SCN8A: variants seen among roughly 807,000 people sequenced by gnomAD.
SCN8A encodes sodium voltage-gated channel alpha subunit 8.
SCN8A carries 30 observed loss-of-function variants against 184.1 expected under a neutral mutation model. That is an observed-to-expected ratio of 0.16 (90% CI 0.12 to 0.22). The LOEUF is 0.22. Ranked by LOEUF, SCN8A falls within the 10% of genes least tolerant of loss-of-function variation. The pLI is 1.00. For synonymous variants in SCN8A, 852 were observed against 907.0 expected (o/e 0.94, Z 1.09); for missense variants, 1,057 against 2,498.9 (o/e 0.42, Z 12.30).
chr12:51,713,043 G>A (rs1941906940), intron 11 of SCN8A: 1 of 1,539,112 alleles, frequency 6.5e-7, no homozygotes, highest in Non-Finnish European at 8.9e-7. Context: ...TAATAGTGTG[G>A]TATTTCTGAA....
chr12:51,680,929 G>A (rs754936414), intron 2 of SCN8A, among the ~76,000 whole-genome samples: 4 of 151,992 alleles, frequency 2.6e-5, no homozygotes, highest in Non-Finnish European at 4.4e-5. Context: ...GCTTGAACCC[G>A]GGAGGCGGAG....
intron 11 of SCN8A, among the ~76,000 whole-genome samples, chr12:51,708,259 T>C (rs956793423): frequency 1.5e-4 from 23 of 152,232 alleles, no homozygotes; most frequent in African/African-American, 5.5e-4. Context: ...TTATTCTGGA[T>C]ATGTAGTATC....
intron 2 of SCN8A, among the ~76,000 whole-genome samples, chr12:51,668,059 T>G (rs1941066315): frequency 6.6e-6 from 1 of 151,796 alleles, no homozygotes; most frequent in Non-Finnish European, 1.5e-5. Context: ...GGTGCATGCC[T>G]ATAGTCCCAG....
In SCN8A at chr12:51,667,660, A is replaced by G. The variant is rs528738542; in HGVS notation, c.276+4567A>G. On this transcript the variant is annotated intron_variant, in intron 2 of 26. Transcript: ENST00000627620. ...AATTTGTTGAATACAAAATGGCCAT[A>G]TATACTCCTAATGACTATCTTAAGT... 2.6e-4 allele frequency among the ~76,000 whole-genome samples: 39 copies of G among 152,336 alleles called. No individual in the cohort carries two copies. The East Asian group carries it at 7.3e-3, about 29-fold the overall frequency.
chr12:51,706,294 C>A, intron 10 of SCN8A, 128 bp from the exon 11 acceptor site: 2 of 849,740 alleles, frequency 2.4e-6, no homozygotes, highest in Non-Finnish European at 3.5e-6. Flanking sequence ...CTCTAACAGT[C>A]TAGGTTTCCT....
At chr12:51,657,007 GTA>G (rs1940834279) in intron 1 of SCN8A, among the ~76,000 whole-genome samples, 1 of 152,068 alleles carries the variant, frequency 6.6e-6, no homozygotes, top group Non-Finnish European at 1.5e-5. Flanking sequence ...CCACTCCTAG[GTA>G]TAGACTCAAA....
At position 51,651,718 on chromosome 12, in the gene SCN8A, C is replaced by A. The variant is rs1432668262; in HGVS notation, c.-54-11046C>A. On this transcript the variant is annotated intron_variant, in intron 1 of 26. Coordinates refer to ENST00000627620, the MANE Select transcript of SCN8A (RefSeq NM_001330260.2). ...GATGAGATTTGGGTGGGGACACAGC[C>A]AAACCATATCAGTGGATATCTCTTC... 2.0e-5 allele frequency among the ~76,000 whole-genome samples: 3 copies of A among 152,152 alleles called. No individual in the cohort carries two copies. The East Asian group carries it at 5.8e-4, about 29-fold the overall frequency.
At chr12:51,765,332 T>C (rs1942822142) in intron 15 of SCN8A, among the ~76,000 whole-genome samples, 1 of 152,202 alleles carries the variant, frequency 6.6e-6, no homozygotes, top group South Asian at 2.1e-4. Context: ...TCACTTGTCC[T>C]GTGAGAAGTC....
chr12:51,705,500 C>A lies in SCN8A; in HGVS notation c.1218C>A (p.Ile406=). 6.2e-7 allele frequency: 1 copy of A among 1,614,046 alleles called. No individual in the cohort carries two copies. The highest frequency in any genetic ancestry group is 1.1e-5 in the South Asian group (1 of 91,080). ...GTTCTTTCTATCTGGTGAACTTGAT[C>A]TTGGCTGTGGTGGCCATGGCTTATG... ...FVGSFYLVNL[I]LAVVAMAYEE... is the part of the protein sequence containing the mutation. Residue 406 remains isoleucine (I), a synonymous_variant, in exon 10 of 27, where the codon ATC becomes ATA. Coordinates refer to ENST00000627620, the MANE Select transcript of SCN8A (RefSeq NM_001330260.2).
chr12:51,751,052 C>T (rs979381428), intron 13 of SCN8A, among the ~76,000 whole-genome samples: 1 of 152,172 alleles, frequency 6.6e-6, no homozygotes, highest in African/African-American at 2.4e-5. Context: ...AACTTGTAAG[C>T]ATTCAAGCCA....
chr12:51,671,406 G>A (rs1392249679), intron 2 of SCN8A, among the ~76,000 whole-genome samples: 4 of 152,052 alleles, frequency 2.6e-5, no homozygotes, highest in East Asian at 1.9e-4. Context: ...AGCCACATAG[G>A]GTATAGACAT....
intron 26 of SCN8A, among the ~76,000 whole-genome samples, chr12:51,795,161 T>C (rs185541283): frequency 5.9e-4 from 90 of 152,296 alleles, no homozygotes; most frequent in Admixed American, 2.4e-3. Context: ...TTGATTCTTA[T>C]TACATCCCAG....
intron 19 of SCN8A, among the ~76,000 whole-genome samples, chr12:51,771,333 A>ACTTCAC: frequency 6.6e-6 from 1 of 152,290 alleles, no homozygotes; most frequent in Admixed American, 6.5e-5. Flanking sequence ...GACAGTACAC[A>ACTTCAC]CTTTCCTTAA....
intron 12 of SCN8A, among the ~76,000 whole-genome samples, chr12:51,743,619 G>T (rs922124470): frequency 3.3e-5 from 5 of 152,200 alleles, no homozygotes; most frequent in Admixed American, 6.5e-5. Flanking sequence ...TGCTGGGTCA[G>T]ACTTGAAGCC....
At chr12:51,723,545 C>T (rs1450563971) in intron 12 of SCN8A, among the ~76,000 whole-genome samples, 4 of 152,052 alleles carry the variant, frequency 2.6e-5, no homozygotes, top group African/African-American at 9.7e-5. Flanking sequence ...TTATAAGCTA[C>T]AAATTACTCT....
At position 51,768,285 on chromosome 12, in the gene SCN8A, A is replaced by G. The variant is rs890288792; in HGVS notation, c.2902-580A>G. The G allele has an allele frequency of 4.6e-5, 7 of 152,362 alleles. No individual in the cohort carries two copies. The South Asian group carries it at 1.0e-3, about 23-fold the overall frequency. The allele number at this position is 152,362 out of a possible 1,614,324, so 9.4% of individuals were successfully genotyped here. A position where few individuals can be genotyped will look rare whatever the true frequency, so the allele number is the denominator to read the frequency against. On this transcript the variant is annotated intron_variant, in intron 16 of 26. Coordinates refer to ENST00000627620, the MANE Select transcript of SCN8A (RefSeq NM_001330260.2). ...CTGATGGCTTGACATTTGGCTATGC[A>G]AAAAAATATAAAAGTCACCATCACT...
chr12:51,677,698 T>G (rs1188591279), intron 2 of SCN8A, among the ~76,000 whole-genome samples: 2 of 152,230 alleles, frequency 1.3e-5, no homozygotes, highest in African/African-American at 4.8e-5. Context: ...GAAAAGCCTG[T>G]GCTTTTCAGA....
intron 12 of SCN8A, among the ~76,000 whole-genome samples, chr12:51,724,449 A>G (rs1942124486): frequency 6.6e-6 from 1 of 152,220 alleles, no homozygotes; most frequent in South Asian, 2.1e-4. Flanking sequence ...CTCTTGTCTC[A>G]AAAAAGAAAA....
chr12:51,702,620 C>G (rs1261593597), intron 8 of SCN8A, among the ~76,000 whole-genome samples, 153 bp from the exon 9 acceptor site: 1 of 152,026 alleles, frequency 6.6e-6, no homozygotes, highest in East Asian at 1.9e-4. Context: ...TTTCCTTCTT[C>G]TTTTTCTTCT....
Sources: allele counts gnomAD v4.1 joint callset (sites outside exome capture counted in the v4.1 genomes callset), GRCh38; gene constraint gnomAD v4.1.1; transcripts MANE v1.5; gene names NCBI Gene and HGNC (gene_info 2026-07-23, HGNC 2026-07-21).